The following GRIK4 variants were observed in gnomAD, a reference collection of about 807,000 sequenced individuals.
GRIK4 encodes the protein glutamate ionotropic receptor kainate type subunit 4.
Under a neutral mutation model 104.9 loss-of-function variants are expected in GRIK4, and 40 were observed. The observed-to-expected ratio is 0.38, with a 90% confidence interval of 0.30 to 0.50. The LOEUF is 0.50. Among genes scored for constraint, GRIK4 ranks in the 20% least tolerant of loss-of-function variants. The pLI, the probability that GRIK4 is intolerant of heterozygous loss-of-function variation, is 0.93. For synonymous variants in GRIK4, 485 were observed against 524.9 expected, an observed-to-expected ratio of 0.92 and a Z score of 1.04; for missense variants, 1,047 against 1,308.1, an observed-to-expected ratio of 0.80 and a Z score of 3.08.
At chr11:120,847,947 A>G (rs1056894555) in intron 8 of GRIK4, among the ~76,000 whole-genome samples, 17 of 152,222 alleles carry the variant, frequency 1.1e-4, no homozygotes, top group African/African-American at 4.1e-4. Context: ...GAGCTTCCCT[A>G]GGGCAGGAGC....
Position 120,555,032 on chromosome 11 carries a change from C to A in GRIK4, c.-159+43145C>A, listed in dbSNP as rs137975939. Reference sequence around the variant, plus strand: ...AGGCATCCCGTAAAGGTAGTCCATGCGAGTCCACAGAAGCTGGTTGCCTCT... The same window carrying A: ...AGGCATCCCGTAAAGGTAGTCCATGAGAGTCCACAGAAGCTGGTTGCCTCT... On this transcript the variant is annotated intron_variant, in intron 1 of 20. Coordinates refer to ENST00000527524, the MANE Select transcript of GRIK4 (RefSeq NM_014619.5). This position sits in a 1 kb window ranked among gnomAD's most constrained non-coding sequence, Gnocchi z 5.3. Among the ~76,000 whole-genome samples the A allele has an allele frequency of 2.0e-5, 3 of 152,212 alleles. No homozygotes were observed. The highest frequency in any genetic ancestry group is 4.4e-5 in the Non-Finnish European group (3 of 68,036).
chr11:120,885,591 G>C (rs1460254683), intron 11 of GRIK4, among the ~76,000 whole-genome samples: 1 of 152,094 alleles, frequency 6.6e-6, no homozygotes, highest in East Asian at 1.9e-4. Context: ...TGCCATGTTG[G>C]TCAGGCTGAT....
intron 1 of GRIK4, among the ~76,000 whole-genome samples, chr11:120,590,644 G>C (rs955430288): frequency 6.6e-6 from 1 of 152,172 alleles, no homozygotes; most frequent in Admixed American, 6.5e-5. Flanking sequence ...TTGGACTCAG[G>C]CCTCTTCTTT....
chr11:120,698,081 C>T (rs61901360), intron 3 of GRIK4, among the ~76,000 whole-genome samples: 16,365 of 151,994 alleles, frequency 0.11, 947 homozygotes, highest in South Asian at 0.15. Context: ...TGTGGTGTGG[C>T]GTTTCTCCAC....
At chr11:120,761,709 C>T (rs1049016889) in intron 3 of GRIK4, among the ~76,000 whole-genome samples, 3 of 152,136 alleles carry the variant, frequency 2.0e-5, no homozygotes, top group Admixed American at 1.3e-4. Flanking sequence ...GTAGGGAATC[C>T]TTTTCCCATT....
chr11:120,639,939 C>T (rs1327025029), intron 1 of GRIK4, among the ~76,000 whole-genome samples: 9 of 152,108 alleles, frequency 5.9e-5, no homozygotes, highest in Non-Finnish European at 1.2e-4. Context: ...GGATCCTATT[C>T]CCCCAGGGCA....
At chr11:120,761,023 A>G (rs1279842698) in intron 3 of GRIK4, among the ~76,000 whole-genome samples, 3 of 152,160 alleles carry the variant, frequency 2.0e-5, no homozygotes. Flanking sequence ...GAATCGCCAC[A>G]CTGTCTTCCA....
At position 120,953,922 on chromosome 11, in the gene GRIK4, C is replaced by G. The variant is rs1944070126; in HGVS notation, c.1700+958C>G. On this transcript the variant is annotated intron_variant, in intron 15 of 20. Coordinates refer to ENST00000527524, the MANE Select transcript of GRIK4 (RefSeq NM_014619.5). The surrounding 1 kb of genome is among the most constrained non-coding windows in gnomAD (Gnocchi z 4.9). ...GGAGCAGAGAACTACTCAGGAGGAG[C>G]TTCTGGAATCTGTCCGTGGCTCTGG... Among the ~76,000 whole-genome samples the G allele has an allele frequency of 6.6e-6, 1 of 152,206 alleles. No homozygotes were observed. The highest frequency in any genetic ancestry group is 1.5e-5 in the Non-Finnish European group (1 of 68,042).
chr11:120,786,539 C>T (rs558243663), intron 3 of GRIK4, among the ~76,000 whole-genome samples: 1 of 152,318 alleles, frequency 6.6e-6, no homozygotes, highest in East Asian at 1.9e-4. Context: ...CCTGCCCACC[C>T]ACCTGATCAC....
chr11:120,617,868 C>T (rs1475786207), intron 1 of GRIK4, among the ~76,000 whole-genome samples: 1 of 152,058 alleles, frequency 6.6e-6, no homozygotes, highest in Non-Finnish European at 1.5e-5. Context: ...CATAAATTAC[C>T]CAGTCTCAAA....
chr11:120,516,465 G>T (rs997866988), intron 1 of GRIK4, among the ~76,000 whole-genome samples: 1 of 152,120 alleles, frequency 6.6e-6, no homozygotes, highest in Non-Finnish European at 1.5e-5. Context: ...CAGAAGGCTG[G>T]AGTCAGGGAG....
chr11:120,777,165 T>C lies in GRIK4; in HGVS notation c.83-25528T>C, dbSNP rs114433981. Among the ~76,000 whole-genome samples the C allele has an allele frequency of 1.4e-3, 207 of 152,332 alleles. 1 individual carries two copies. Among genetic ancestry groups the C allele is most frequent in the African/African-American group, 4.7e-3 (197 of 41,574 alleles). ...GTTTCTTCAAAGTTTATCTTTGAGA[T>C]AAAGTCCAGGTCCCTTTCAATGGCT... is the stretch of plus-strand genomic sequence containing the variant. On this transcript the variant is annotated intron_variant, in intron 3 of 20. Coordinates refer to ENST00000527524, the MANE Select transcript of GRIK4 (RefSeq NM_014619.5).
At chr11:120,804,042 A>G (rs1377480922) in intron 4 of GRIK4, among the ~76,000 whole-genome samples, 1 of 152,128 alleles carries the variant, frequency 6.6e-6, no homozygotes, top group East Asian at 1.9e-4. Flanking sequence ...TGTTTGTATT[A>G]CCTTGACAAC....
chr11:120,975,522 A>G (rs886453340), intron 19 of GRIK4, among the ~76,000 whole-genome samples: 1 of 152,232 alleles, frequency 6.6e-6, no homozygotes, highest in African/African-American at 2.4e-5. Flanking sequence ...GCAACAAAGC[A>G]GGTCACAATT....
chr11:120,652,605 A>AT (rs5795239), intron 1 of GRIK4, among the ~76,000 whole-genome samples: 41 of 150,058 alleles, frequency 2.7e-4, no homozygotes, highest in Middle Eastern at 6.9e-3. Flanking sequence ...GTTCACATCC[A>AT]TTTTTTTTTT....
At chr11:120,765,100 A>G (rs113686988) in intron 3 of GRIK4, among the ~76,000 whole-genome samples, 3,847 of 151,940 alleles carry the variant, frequency 0.025, 145 homozygotes, top group African/African-American at 0.088. Context: ...CACCAATCAA[A>G]CGTAGGTTTT....
rs1406464558 is a variant in GRIK4, at chr11:120,819,340, T to C, written c.346-415T>C. ...TAGTCCCAGGGTAGCGATTTTTCTCTTTCTGCCGTCTCTGCTCTGATGTAT... is the reference window on the plus strand; with the variant it reads ...TAGTCCCAGGGTAGCGATTTTTCTCCTTCTGCCGTCTCTGCTCTGATGTAT... On this transcript the variant is annotated intron_variant, in intron 5 of 20. Transcript: ENST00000527524. The surrounding 1 kb of genome is among the most constrained non-coding windows in gnomAD (Gnocchi z 4.3). Among the ~76,000 whole-genome samples, 1 of 152,208 alleles carries C rather than the reference T, an allele frequency of 6.6e-6. No homozygotes were observed. Among genetic ancestry groups the C allele is most frequent in the Middle Eastern group, 3.2e-3 (1 of 316 alleles).
At chr11:120,862,187 C>G (rs1053281243) in intron 9 of GRIK4, 67 bp downstream of exon 9, 13 of 1,368,474 alleles carry the variant, frequency 9.5e-6, no homozygotes, top group Non-Finnish European at 1.3e-5. Context: ...TGTGGGCCAA[C>G]CCCTGGGCAA....
At chr11:120,805,073 G>T (rs1952687598) in intron 4 of GRIK4, among the ~76,000 whole-genome samples, 1 of 152,176 alleles carries the variant, frequency 6.6e-6, no homozygotes, top group African/African-American at 2.4e-5. Context: ...TGGGGATTCA[G>T]CAGGGCACAG....
Sources: allele counts gnomAD v4.1 joint callset (sites outside exome capture counted in the v4.1 genomes callset), GRCh38; gene constraint gnomAD v4.1.1; non-coding constraint Gnocchi (gnomAD v3.1); transcripts MANE v1.5; gene names NCBI Gene and HGNC (gene_info 2026-07-23, HGNC 2026-07-21).